ARL15: variants seen among roughly 807,000 people sequenced by gnomAD.
The protein encoded by ARL15 is ARF like GTPase 15.
ARL15 carries 19 observed loss-of-function variants against 25.2 expected under a neutral mutation model. That is an observed-to-expected ratio of 0.75 (90% CI 0.53 to 1.10). The LOEUF (loss-of-function observed/expected upper bound fraction) is 1.10. ARL15 is among the 50% of genes least tolerant of loss of function. The pLI is 0.00. For missense variants in ARL15, 220 were observed against 246.0 expected, an observed-to-expected ratio of 0.89 and a Z score of 0.71; for synonymous variants, 94 against 86.8, an observed-to-expected ratio of 1.08 and a Z score of -0.46.
At chr5:53,980,738 G>A (rs1694055) in intron 4 of ARL15, among the ~76,000 whole-genome samples, 55,428 of 152,032 alleles carry the variant, frequency 0.36, 10,723 homozygotes, top group Middle Eastern at 0.45. Context: ...TATTTCCTCA[G>A]ATGAAGATAG....
intron 4 of ARL15, among the ~76,000 whole-genome samples, chr5:53,997,297 T>C (rs934475575): frequency 6.6e-6 from 1 of 152,202 alleles, no homozygotes; most frequent in Non-Finnish European, 1.5e-5. Context: ...TCTTGATATG[T>C]GCCCACTGCT....
chr5:53,928,361 T>C (rs1746096587), intron 4 of ARL15, among the ~76,000 whole-genome samples: 1 of 152,266 alleles, frequency 6.6e-6, no homozygotes, highest in Non-Finnish European at 1.5e-5. Context: ...GTCCTAGCCA[T>C]GATCTTTCTA....
intron 4 of ARL15, among the ~76,000 whole-genome samples, chr5:53,985,835 C>T (rs1217919430): frequency 6.6e-6 from 1 of 152,112 alleles, no homozygotes; most frequent in Non-Finnish European, 1.5e-5. Context: ...AGTAGAGCAA[C>T]CGACAAAATT....
chr5:54,124,275 T>G (rs866821255), intron 3 of ARL15, among the ~76,000 whole-genome samples: 3 of 152,228 alleles, frequency 2.0e-5, no homozygotes, highest in Non-Finnish European at 4.4e-5. Context: ...CTCTTCTTAT[T>G]CTAGACAGGT....
chr5:54,076,154 C>T (rs756430475), intron 4 of ARL15, among the ~76,000 whole-genome samples: 1 of 152,032 alleles, frequency 6.6e-6, no homozygotes, highest in Non-Finnish European at 1.5e-5. Flanking sequence ...CGGTGGCTCA[C>T]GGCTGTAATC....
At chr5:54,155,463 G>A (rs1040307170) in intron 2 of ARL15, among the ~76,000 whole-genome samples, 1 of 151,898 alleles carries the variant, frequency 6.6e-6, no homozygotes, top group Non-Finnish European at 1.5e-5. Flanking sequence ...TAAAGGACAT[G>A]GTTAATATGT....
At chr5:53,893,095 G>A (rs777478657) in intron 4 of ARL15, among the ~76,000 whole-genome samples, 8 of 152,014 alleles carry the variant, frequency 5.3e-5, no homozygotes, top group Non-Finnish European at 8.8e-5. Context: ...TTGTGTGAAC[G>A]TGTCACATTA....
At chr5:54,211,411 A>T (rs1042223965) in intron 1 of ARL15, among the ~76,000 whole-genome samples, 1 of 152,134 alleles carries the variant, frequency 6.6e-6, no homozygotes, top group African/African-American at 2.4e-5. Context: ...TGGGCAGTTA[A>T]AAGATTGGAA....
At position 53,891,773 on chromosome 5, in the gene ARL15, C is replaced by A. The variant is rs563442049; in HGVS notation, c.463-5060G>T. On this transcript the variant is annotated intron_variant, in intron 4 of 4. Coordinates refer to ENST00000504924, the MANE Select transcript of ARL15 (RefSeq NM_019087.3). The stretch of plus-strand genomic sequence containing the variant: ...GTGGGGTCAGGATCTATCTAAGGAG[C>A]TTTGGAAAGTTTTGCCCTAAAAGTT... Among the ~76,000 whole-genome samples, 14 of 152,264 alleles carry A rather than the reference C, an allele frequency of 9.2e-5. No individual in the cohort carries two copies. In the South Asian group the frequency reaches 2.9e-3, roughly 32 times the overall value.
chr5:54,171,537 T>G (rs189494982), intron 2 of ARL15, among the ~76,000 whole-genome samples: 4 of 152,304 alleles, frequency 2.6e-5, no homozygotes, highest in Admixed American at 2.0e-4. Flanking sequence ...TCATTTGTAT[T>G]AATATTTTCC....
rs139835549 is a variant in ARL15 at position 53,964,721 on chromosome 5, A to G, written c.463-78008T>C. 4.9e-3 allele frequency among the ~76,000 whole-genome samples: 749 copies of G among 152,334 alleles called. 2 individuals carry two copies. The highest frequency in any genetic ancestry group is 0.017 in the African/African-American group (722 of 41,570). On this transcript the variant is annotated intron_variant, in intron 4 of 4. Transcript: ENST00000504924. The stretch of plus-strand genomic sequence containing the variant: ...AAATTCATAGGCTCCCTGAGATAGT[A>G]GGGATTTTCGTATTCTTCTAATCTT...
chr5:54,257,266 T>C (rs1031289989), intron 1 of ARL15, among the ~76,000 whole-genome samples: 4 of 152,152 alleles, frequency 2.6e-5, no homozygotes, highest in African/African-American at 4.8e-5. Flanking sequence ...AATCAAGACC[T>C]CAACCCATTT....
intron 4 of ARL15, among the ~76,000 whole-genome samples, chr5:53,963,170 T>G (rs575393715): frequency 6.6e-6 from 1 of 152,344 alleles, no homozygotes; most frequent in East Asian, 1.9e-4. Context: ...AATTAGCACA[T>G]TTATCCCCTT....
intron 1 of ARL15, among the ~76,000 whole-genome samples, chr5:54,304,225 G>A: frequency 6.6e-6 from 1 of 152,248 alleles, no homozygotes; most frequent in East Asian, 1.9e-4. Flanking sequence ...AATGAAGAGG[G>A]AGGGCCCTGG....
chr5:54,038,789 T>C (rs1279746643), intron 4 of ARL15, among the ~76,000 whole-genome samples: 1 of 152,214 alleles, frequency 6.6e-6, no homozygotes, highest in Admixed American at 6.5e-5. Flanking sequence ...AGACATTTGC[T>C]GTCTTTGGAG....
intron 1 of ARL15, among the ~76,000 whole-genome samples, chr5:54,242,058 C>T (rs1756972444): frequency 1.3e-5 from 2 of 152,122 alleles, no homozygotes; most frequent in Non-Finnish European, 2.9e-5. Context: ...ACCCAATTCA[C>T]GGTGTCCTTA....
At position 54,171,830 on chromosome 5, in the gene ARL15, C is replaced by A. The variant is rs777959957; in HGVS notation, c.147G>T (p.Leu49Phe). The change falls in exon 2 of 5, where the codon TTG becomes TTT. Residue 49 changes from leucine (L) to phenylalanine (F), a missense_variant. Physicochemically the swap from Leu to Phe is conservative, Grantham distance 22. Coordinates refer to ENST00000504924, the MANE Select transcript of ARL15 (RefSeq NM_019087.3). ...CGGGGCTTTCACTGCAGAGTTTGGA[C>A]AACAGACTGGTTTTGCCAGAACCTG... Reference protein sequence around the residue: ...GLTGSGKTSLLSKLCSESPDN... With the variant: ...GLTGSGKTSLFSKLCSESPDN... 2 of 1,613,400 alleles carry A rather than the reference C, an allele frequency of 1.2e-6. No individual in the cohort carries two copies. The highest frequency in any genetic ancestry group is 4.5e-5 in the East Asian group (2 of 44,826).
chr5:54,036,892 A>AGG (rs1750185054), intron 4 of ARL15, among the ~76,000 whole-genome samples: 1 of 152,172 alleles, frequency 6.6e-6, no homozygotes, highest in South Asian at 2.1e-4. Flanking sequence ...ATCTTAATAA[A>AGG]TCCAAAGACA....
chr5:54,253,234 A>C (rs939697364), intron 1 of ARL15, among the ~76,000 whole-genome samples: 1 of 152,160 alleles, frequency 6.6e-6, no homozygotes, highest in African/African-American at 2.4e-5. Flanking sequence ...GTAATTATTT[A>C]GCTCAAGGGG....
Sources: gnomAD v4.1 joint callset for allele counts (sites outside exome capture counted in the v4.1 genomes callset) on GRCh38, gnomAD v4.1.1 for gene constraint, MANE v1.5 for transcripts, NCBI Gene and HGNC (gene_info 2026-07-23, HGNC 2026-07-21) for gene names.